The following PJVK variants were observed in gnomAD, a reference collection of about 807,000 sequenced individuals.
PJVK encodes pejvakin.
Under a neutral mutation model 37.6 loss-of-function variants are expected in PJVK, and 33 were observed. The observed-to-expected ratio is 0.88, with a 90% CI of 0.67 to 1.17. The LOEUF is 1.17. Among genes scored for constraint, PJVK ranks in the 50% most tolerant of loss-of-function variants. The pLI is 0.00. For synonymous variants in PJVK, 141 were observed against 143.5 expected (o/e 0.98, Z 0.13); for missense variants, 410 against 413.8 (o/e 0.99, Z 0.08).
intron 3 of PJVK, chr2:178,454,813 A>C (rs1395782691): frequency 7.1e-7 from 1 of 1,404,206 alleles, no homozygotes; most frequent in Non-Finnish European, 1.0e-6. Flanking sequence ...GCAGAGAATC[A>C]TGAGGCCCAG....
At chr2:178,460,173 T>G (rs1684392425) in intron 5 of PJVK, among the ~76,000 whole-genome samples, 175 bp from the exon 6 acceptor site, 1 of 152,270 alleles carries the variant, frequency 6.6e-6, no homozygotes, top group Admixed American at 6.5e-5. Context: ...TTTGTCACTG[T>G]ATCTCCTTTC....
chr2:178,456,303 C>T, intron 4 of PJVK, 152 bp downstream of exon 4: 3 of 875,238 alleles, frequency 3.4e-6, no homozygotes, highest in African/African-American at 1.7e-5. Flanking sequence ...AATGTCTGTT[C>T]TAGAATATGA....
rs1697922467 is a variant in PJVK at position 178,454,459 on chromosome 2, A to G, written c.339A>G (p.Lys113=). 1 of 1,613,868 alleles carries G rather than the reference A, an allele frequency of 6.2e-7. No homozygotes were observed. Among genetic ancestry groups the G allele is most frequent in the African/African-American group, 1.3e-5 (1 of 74,916 alleles). The change falls in exon 3 of 7, where the codon AAA becomes AAG. Residue 113 remains lysine, a synonymous_variant. Coordinates refer to ENST00000644580, the MANE Select transcript of PJVK (RefSeq NM_001042702.5). ...NVAGSDSIAV[K]ASFGIVTKHE... ...CTGGATCAGATTCCATTGCAGTGAA[A>G]GCTTCATTTGGTATAGTAACCAAAC...
In PJVK at chr2:178,461,235, A is replaced by G; in HGVS notation, c.1020A>G (p.Ala340=). The G allele has an allele frequency of 1.2e-6, 2 of 1,614,196 alleles. No individual in the cohort carries two copies. The highest frequency in any genetic ancestry group is 1.7e-6 in the Non-Finnish European group (2 of 1,180,028). ...GTCAGAAGTATGTGAGACTTCATGC[A>G]GTTCCTTGTTTTGATATTTGGCACA... ...VDGQKYVRLH[A]VPCFDIWHKR... Residue 340 remains alanine (A), a synonymous_variant, in exon 7 of 7, where the codon GCA becomes GCG. Coordinates refer to ENST00000644580, the MANE Select transcript of PJVK (RefSeq NM_001042702.5).
intron 5 of PJVK, among the ~76,000 whole-genome samples, chr2:178,459,420 TTATA>T (rs1684346776): frequency 6.6e-6 from 1 of 152,130 alleles, no homozygotes; most frequent in Admixed American, 6.5e-5. Flanking sequence ...ATATAGTAGA[TTATA>T]TATATATTTA....
rs1277683282 is a variant in PJVK at position 178,453,369 on chromosome 2, A to T, written c.-22-19A>T. On this transcript the variant is annotated intron_variant, in intron 1 of 6. Coordinates refer to ENST00000644580, the MANE Select transcript of PJVK (RefSeq NM_001042702.5). Reference sequence around the variant, plus strand: ...GCCTGATTTTCCTCTTTAAAAATGGATTTATCTGGGGGTTGCAGTTGATGA... The same window carrying T: ...GCCTGATTTTCCTCTTTAAAAATGGTTTTATCTGGGGGTTGCAGTTGATGA... 2 of 1,608,458 alleles carry T rather than the reference A, an allele frequency of 1.2e-6. No individual in the cohort carries two copies. The highest frequency in any genetic ancestry group is 2.2e-5 in the South Asian group (2 of 90,634).
chr2:178,458,525 G>T lies in PJVK; in HGVS notation c.565G>T (p.Glu189Ter). 1 of 1,612,190 alleles carries T rather than the reference G, an allele frequency of 6.2e-7. No homozygotes were observed. The highest frequency in any genetic ancestry group is 1.1e-5 in the South Asian group (1 of 90,976). Residue 189 changes from glutamate (E) to a stop codon, truncating the protein, a stop_gained, in exon 5 of 7, where the codon GAA (glutamate) becomes TAA (stop). Coordinates refer to ENST00000644580, the MANE Select transcript of PJVK (RefSeq NM_001042702.5). LOFTEE classifies it high-confidence loss of function. ...TTCAATATAGTTTCACTTTATGGAT[G>T]AACAGAATCCCAAGGGAAGGGACAA... ...GEAMRFHFMD[E>*]QNPKGRDKAI...
At chr2:178,453,311 T>C (rs1697825397) in intron 1 of PJVK, 77 bp from the exon 2 acceptor site, 2 of 1,206,066 alleles carry the variant, frequency 1.7e-6, no homozygotes, top group Non-Finnish European at 2.4e-6. Flanking sequence ...AGATGTATAA[T>C]TATATTTAAA....
intron 3 of PJVK, chr2:178,454,953 T>C: frequency 1.1e-6 from 1 of 916,356 alleles, no homozygotes; most frequent in East Asian, 2.4e-5. Flanking sequence ...TGATTACCGC[T>C]GGACCAAGAC....
intron 5 of PJVK, chr2:178,459,412 ATAG>A (rs1313554833): frequency 4.0e-5 from 13 of 324,798 alleles, no homozygotes; most frequent in African/African-American, 8.6e-5. Context: ...TTGTGGCTAT[ATAG>A]TAGATTATAT....
intron 4 of PJVK, among the ~76,000 whole-genome samples, chr2:178,456,556 A>G (rs1035290746): frequency 6.6e-6 from 1 of 152,192 alleles, no homozygotes; most frequent in African/African-American, 2.4e-5. Flanking sequence ...ACTTGCAGTC[A>G]GGAGTTGGAG....
chr2:178,458,684 A>G, intron 5 of PJVK, 57 bp downstream of exon 5: 1 of 1,268,914 alleles, frequency 7.9e-7, no homozygotes, highest in Non-Finnish European at 1.2e-6. Context: ...AGCATTCATT[A>G]GGGCATGTGC....
chr2:178,457,785 G>A (rs548158893), intron 4 of PJVK, among the ~76,000 whole-genome samples: 21 of 152,178 alleles, frequency 1.4e-4, no homozygotes, highest in Non-Finnish European at 2.5e-4. Context: ...GGAGTGGCCA[G>A]GAGTTCAAGG....
chr2:178,451,936 G>A (rs1559364204), intron 1 of PJVK, 167 bp downstream of exon 1: 11 of 709,516 alleles, frequency 1.6e-5, no homozygotes, highest in Non-Finnish European at 1.9e-5. Flanking sequence ...ATGCTCCCCT[G>A]TGCTTACTCG....
intron 3 of PJVK, chr2:178,455,065 C>T: frequency 2.7e-6 from 4 of 1,464,810 alleles, no homozygotes; most frequent in Non-Finnish European, 3.8e-6. Flanking sequence ...AGGTGGGGCT[C>T]AAGGGGCAGC....
chr2:178,456,323 AC>A (rs1684082887), intron 4 of PJVK, 172 bp downstream of exon 4: 3 of 792,632 alleles, frequency 3.8e-6, no homozygotes, highest in African/African-American at 1.7e-5. Flanking sequence ...AAAAAAAAAA[AC>A]AAATCTTGGG....
chr2:178,458,523 A>T lies in PJVK; in HGVS notation c.563A>T (p.Asp188Val), dbSNP rs1684270762. The T allele has an allele frequency of 1.2e-6, 2 of 1,610,984 alleles. No homozygotes were observed. The highest frequency in any genetic ancestry group is 1.3e-5 in the African/African-American group (1 of 74,870). The change falls in exon 5 of 7, where the codon GAT becomes GTT. Residue 188 changes from aspartate to valine, a missense_variant. Asp to Val is a radical substitution (Grantham distance 152, BLOSUM62 -3). Coordinates refer to ENST00000644580, the MANE Select transcript of PJVK (RefSeq NM_001042702.5). ...TATTCAATATAGTTTCACTTTATGGATGAACAGAATCCCAAGGGAAGGGAC... is the reference window on the plus strand; with the variant it reads ...TATTCAATATAGTTTCACTTTATGGTTGAACAGAATCCCAAGGGAAGGGAC... Reference protein sequence around the residue: ...RGEAMRFHFMDEQNPKGRDKA... With the variant: ...RGEAMRFHFMVEQNPKGRDKA...
At chr2:178,458,864 T>C (rs895421937) in intron 5 of PJVK, among the ~76,000 whole-genome samples, 2 of 152,162 alleles carry the variant, frequency 1.3e-5, no homozygotes, top group Non-Finnish European at 2.9e-5. Flanking sequence ...CACTACCCCA[T>C]TTAAAATTAT....
chr2:178,457,197 G>A lies in PJVK; in HGVS notation c.549+1046G>A, dbSNP rs192905345. Among the ~76,000 whole-genome samples the A allele has an allele frequency of 4.1e-3, 619 of 152,310 alleles. 5 individuals are homozygous for A. The highest frequency in any genetic ancestry group is 0.014 in the African/African-American group (584 of 41,578). On this transcript the variant is annotated intron_variant, in intron 4 of 6. Coordinates refer to ENST00000644580, the MANE Select transcript of PJVK (RefSeq NM_001042702.5). ...TCCGCTAGCCTCGGCCTCCCAAAATGCTGGGATTACAGGTGTGAGCCACCG... is the reference window on the plus strand; with the variant it reads ...TCCGCTAGCCTCGGCCTCCCAAAATACTGGGATTACAGGTGTGAGCCACCG...
Sources: allele counts gnomAD v4.1 joint callset (sites outside exome capture counted in the v4.1 genomes callset), GRCh38; gene constraint gnomAD v4.1.1; transcripts MANE v1.5; gene names NCBI Gene and HGNC (gene_info 2026-07-23, HGNC 2026-07-21).